Variants in ASXL2 observed in about 807,000 individuals in gnomAD.
The protein encoded by ASXL2 is putative Polycomb group protein ASXL2.
ASXL2 carries 23 observed loss-of-function variants against 122.0 expected under a neutral mutation model. The ratio of observed to expected loss-of-function variants is 0.19; its 90% CI spans 0.14 to 0.27. The LOEUF (loss-of-function observed/expected upper bound fraction) is 0.27, where lower values mean the gene tolerates loss of function less well. Among genes scored for constraint, ASXL2 ranks in the 10% least tolerant of loss-of-function variants. The probability of loss-of-function intolerance (pLI) is 1.00; values close to 1 mark genes in which losing one functional copy is unlikely to be tolerated. For missense variants in ASXL2, 1,518 were observed against 1,713.8 expected (o/e 0.89, Z 2.02); for synonymous variants, 650 against 637.0 (o/e 1.02, Z -0.31).
chr2:25,856,513 C>A, intron 1 of ASXL2: 1 of 1,103,436 alleles, frequency 9.1e-7, no homozygotes, highest in South Asian at 1.2e-5. Context: ...AGCCTTGTCC[C>A]CAAGAGCCTC....
rs1457203633 is a variant in ASXL2 at position 25,799,390 on chromosome 2, C to G, written c.398G>C (p.Arg133Thr). ...NKEGKKSRWK[R>T]KVSSSSPQSG... Reference sequence around the variant, plus strand: ...GAAGGATCAGGTGGATTTACCTTTCCTTTTCCACCTGCTCTTTTTTCCCTC... The same window carrying G: ...GAAGGATCAGGTGGATTTACCTTTCGTTTTCCACCTGCTCTTTTTTCCCTC... Residue 133 changes from arginine to threonine, a missense_variant, in exon 5 of 13, where the codon AGG (arginine) becomes ACG (threonine). Arg to Thr is a moderately conservative substitution (Grantham distance 71, BLOSUM62 -1). Transcript: ENST00000435504. The G allele has an allele frequency of 1.9e-6, 3 of 1,613,996 alleles. No homozygotes were observed. The highest frequency in any genetic ancestry group is 2.5e-6 in the Non-Finnish European group (3 of 1,179,876).
intron 5 of ASXL2, among the ~76,000 whole-genome samples, chr2:25,782,699 G>A (rs2088665258): frequency 6.6e-6 from 1 of 152,168 alleles, no homozygotes; most frequent in South Asian, 2.1e-4. Flanking sequence ...TAACGTTAAA[G>A]AGAAATCCAC....
At chr2:25,844,701 A>G (rs578231791) in intron 2 of ASXL2, among the ~76,000 whole-genome samples, 1 of 151,618 alleles carries the variant, frequency 6.6e-6, no homozygotes, top group South Asian at 2.1e-4. Flanking sequence ...AGGCTGGGGT[A>G]CAATAGCACC....
intron 1 of ASXL2, among the ~76,000 whole-genome samples, chr2:25,864,784 C>T (rs1205669787): frequency 1.3e-5 from 2 of 151,826 alleles, no homozygotes; most frequent in East Asian, 1.9e-4. Context: ...ATCTCTTAGG[C>T]TTATTGCTCT....
intron 8 of ASXL2, among the ~76,000 whole-genome samples, chr2:25,762,196 A>T (rs1279066480): frequency 2.6e-5 from 4 of 151,840 alleles, no homozygotes; most frequent in Non-Finnish European, 4.4e-5. Context: ...TGATATATCA[A>T]TTTTTTAGAA....
At chr2:25,810,730 T>C (rs2089154753) in intron 3 of ASXL2, 2 of 609,716 alleles carry the variant, frequency 3.3e-6, no homozygotes, top group Non-Finnish European at 6.1e-6. Flanking sequence ...TTCTCACCAG[T>C]GTATCAAGTC....
chr2:25,753,124 C>T (rs1024352326), intron 11 of ASXL2, among the ~76,000 whole-genome samples: 1 of 151,578 alleles, frequency 6.6e-6, no homozygotes, highest in Non-Finnish European at 1.5e-5. Context: ...TGCACCACCA[C>T]GCCCAACTAA....
intron 8 of ASXL2, among the ~76,000 whole-genome samples, chr2:25,763,271 C>G (rs2088285236): frequency 6.6e-6 from 1 of 151,994 alleles, no homozygotes; most frequent in South Asian, 2.1e-4. Context: ...CGGGCGGTAT[C>G]ACGAGGTCAG....
chr2:25,821,550 G>A (rs1177053479), intron 3 of ASXL2, among the ~76,000 whole-genome samples: 2 of 151,440 alleles, frequency 1.3e-5, no homozygotes, highest in Non-Finnish European at 2.9e-5. Flanking sequence ...GATCACTCGA[G>A]GTCAGGAGTT....
intron 6 of ASXL2, 89 bp downstream of exon 6, chr2:25,771,351 A>C (rs6721104): frequency 0.032 from 40,122 of 1,245,944 alleles, 812 homozygotes; most frequent in African/African-American, 0.081. Context: ...CAATGTAAAA[A>C]ATTTTCAAAA....
At chr2:25,748,377 A>G (rs1401378942) in intron 12 of ASXL2, among the ~76,000 whole-genome samples, 1 of 151,628 alleles carries the variant, frequency 6.6e-6, no homozygotes, top group Non-Finnish European at 1.5e-5. Context: ...ATGGTGGTGC[A>G]TGCCTGTAAT....
rs897591811 is a variant in ASXL2 at position 25,744,840 on chromosome 2, G to C, written c.1861-364C>G. Among the ~76,000 whole-genome samples, 1 of 152,022 alleles carries C rather than the reference G, an allele frequency of 6.6e-6. No individual in the cohort carries two copies. The highest frequency in any genetic ancestry group is 2.1e-4 in the South Asian group (1 of 4,818). ...GTGTATTTATGTTTGAGAAAGAAGA[G>C]AAAAGCAAGCAAGCCAGCCACCCAT... On this transcript the variant is annotated intron_variant, in intron 12 of 12. Coordinates refer to ENST00000435504, the MANE Select transcript of ASXL2 (RefSeq NM_018263.6). The surrounding 1 kb of genome is among the most constrained non-coding windows in gnomAD (Gnocchi z 4.7).
chr2:25,810,667 C>G, intron 3 of ASXL2: 1 of 754,342 alleles, frequency 1.3e-6, no homozygotes, highest in Non-Finnish European at 2.3e-6. Flanking sequence ...GGTGCCCACC[C>G]AGCTACTGCT....
intron 5 of ASXL2, among the ~76,000 whole-genome samples, chr2:25,788,799 T>G (rs1014720429): frequency 6.6e-6 from 1 of 152,182 alleles, no homozygotes; most frequent in African/African-American, 2.4e-5. Context: ...TACTAACTTG[T>G]AGGAGTTCCT....
chr2:25,876,105 T>C (rs1426693387), intron 1 of ASXL2, among the ~76,000 whole-genome samples: 1 of 152,210 alleles, frequency 6.6e-6, no homozygotes, highest in Admixed American at 6.5e-5. Context: ...AGTGTCATCA[T>C]TCTCTTTCTA....
At chr2:25,779,870 CT>C (rs970818090) in intron 5 of ASXL2, among the ~76,000 whole-genome samples, 3 of 151,368 alleles carry the variant, frequency 2.0e-5, no homozygotes, top group Non-Finnish European at 4.4e-5. Flanking sequence ...TGTTTTAATA[CT>C]TTTTTTTTCC....
intron 3 of ASXL2, chr2:25,822,593 G>C: frequency 1.9e-6 from 1 of 526,042 alleles, no homozygotes; most frequent in South Asian, 1.6e-5. Context: ...TTGTCTCAGA[G>C]GAAGTGATAA....
chr2:25,736,372 G>C lies in ASXL2; in HGVS notation c.*5657C>G, dbSNP rs2087735641. On this transcript the variant is annotated 3_prime_UTR_variant, in exon 13 of 13. Transcript: ENST00000435504. Reference sequence around the variant, plus strand: ...TCTAAATAATGATAAATATGTACCAGAAATGGGGAGTCAATCTTTGTAAAT... The same window carrying C: ...TCTAAATAATGATAAATATGTACCACAAATGGGGAGTCAATCTTTGTAAAT... The C allele has an allele frequency of 6.6e-6, 1 of 152,176 alleles. No homozygotes were observed. The highest frequency in any genetic ancestry group is 2.1e-4 in the South Asian group (1 of 4,836). The allele number at this position is 152,176 out of a possible 1,614,324, so 9.4% of individuals were successfully genotyped here. A position where few individuals can be genotyped will look rare whatever the true frequency, so the allele number is the denominator to read the frequency against.
At chr2:25,790,140 T>A (rs1249851494) in intron 5 of ASXL2, among the ~76,000 whole-genome samples, 1 of 152,174 alleles carries the variant, frequency 6.6e-6, no homozygotes, top group Non-Finnish European at 1.5e-5. Flanking sequence ...GTCCACAGAC[T>A]GGTCTGTGAC....
Sources: gnomAD v4.1 joint callset for allele counts (sites outside exome capture counted in the v4.1 genomes callset) on GRCh38, gnomAD v4.1.1 for gene constraint, Gnocchi (gnomAD v3.1) non-coding constraint, MANE v1.5 for transcripts, NCBI Gene and HGNC (gene_info 2026-07-23, HGNC 2026-07-21) for gene names.